Variants in KCNH1 observed in about 807,000 individuals in gnomAD.
KCNH1 encodes the protein voltage-gated delayed rectifier potassium channel KCNH1.
Under a neutral mutation model 69.2 loss-of-function variants are expected in KCNH1, and 27 were observed. That is an observed-to-expected ratio of 0.39 (90% CI 0.29 to 0.54). The LOEUF (loss-of-function observed/expected upper bound fraction) is 0.54, where lower values mean the gene tolerates loss of function less well. Ranked by LOEUF, KCNH1 falls within the 20% of genes least tolerant of loss-of-function variation. KCNH1 has a pLI of 0.68. For synonymous variants in KCNH1, 456 were observed against 487.7 expected, an observed-to-expected ratio of 0.93 and a Z score of 0.86; for missense variants, 798 against 1,261.6, an observed-to-expected ratio of 0.63 and a Z score of 5.57.
At chr1:210,856,367 G>A (rs1685837840) in intron 7 of KCNH1, among the ~76,000 whole-genome samples, 1 of 152,132 alleles carries the variant, frequency 6.6e-6, no homozygotes, top group South Asian at 2.1e-4. Flanking sequence ...CTTCAAATGA[G>A]CATTAAGTGT....
intron 6 of KCNH1, among the ~76,000 whole-genome samples, chr1:210,985,231 C>A (rs1688806310): frequency 6.6e-6 from 1 of 152,060 alleles, no homozygotes; most frequent in South Asian, 2.1e-4. Context: ...TTCAAAAAAC[C>A]AGCCCCTGGA....
chr1:210,735,010 T>G (rs1205831653), intron 10 of KCNH1, among the ~76,000 whole-genome samples: 1 of 152,170 alleles, frequency 6.6e-6, no homozygotes, highest in Non-Finnish European at 1.5e-5. Flanking sequence ...CTCATTCTCT[T>G]CTTCTCCCTG....
chr1:210,783,726 G>A (rs1292521086), intron 9 of KCNH1, among the ~76,000 whole-genome samples: 1 of 152,276 alleles, frequency 6.6e-6, no homozygotes, highest in African/African-American at 2.4e-5. Context: ...AAGACCACAA[G>A]GTTGCCACAC....
chr1:210,770,450 G>T (rs1683732701), intron 10 of KCNH1, among the ~76,000 whole-genome samples: 1 of 152,252 alleles, frequency 6.6e-6, no homozygotes, highest in African/African-American at 2.4e-5. Flanking sequence ...GGCTCTGAAT[G>T]GTTAAGTAAT....
At chr1:211,121,434 A>T (rs1691681664) in intron 1 of KCNH1, among the ~76,000 whole-genome samples, 1 of 152,216 alleles carries the variant, frequency 6.6e-6, no homozygotes, top group African/African-American at 2.4e-5. Context: ...TGAGGAAAGG[A>T]TCTCCTATTC....
chr1:210,979,771 A>T (rs2102376089), intron 6 of KCNH1, among the ~76,000 whole-genome samples: 1 of 152,298 alleles, frequency 6.6e-6, no homozygotes, highest in East Asian at 1.9e-4. Context: ...TCAATTCCCC[A>T]GTTTCTCATC....
chr1:210,751,619 T>C (rs998698806), intron 10 of KCNH1, among the ~76,000 whole-genome samples: 2 of 152,044 alleles, frequency 1.3e-5, no homozygotes, highest in Non-Finnish European at 2.9e-5. Flanking sequence ...GCGGCCTGGC[T>C]GGACCTGAGG....
At chr1:211,026,288 G>T (rs1689681930) in intron 5 of KCNH1, among the ~76,000 whole-genome samples, 3 of 151,018 alleles carry the variant, frequency 2.0e-5, no homozygotes. Flanking sequence ...TGACACAGTG[G>T]TGAGCTCTCT....
intron 6 of KCNH1, among the ~76,000 whole-genome samples, chr1:210,924,125 G>A (rs749150279): frequency 6.6e-6 from 1 of 152,206 alleles, no homozygotes; most frequent in Non-Finnish European, 1.5e-5. Flanking sequence ...TAGAGGCTAA[G>A]AGAAAGGCAT....
intron 10 of KCNH1, among the ~76,000 whole-genome samples, chr1:210,705,845 C>T (rs1381313186): frequency 6.6e-6 from 1 of 152,126 alleles, no homozygotes; most frequent in Non-Finnish European, 1.5e-5. Flanking sequence ...ATCTGGGCAC[C>T]TCGATCCTAA....
At chr1:211,042,411 G>A (rs1690011667) in intron 5 of KCNH1, among the ~76,000 whole-genome samples, 1 of 151,974 alleles carries the variant, frequency 6.6e-6, no homozygotes, top group Non-Finnish European at 1.5e-5. Flanking sequence ...CACAAGGCCT[G>A]GCATATAGTG....
intron 5 of KCNH1, among the ~76,000 whole-genome samples, chr1:211,020,516 A>C (rs1302989297): frequency 1.3e-5 from 2 of 152,012 alleles, no homozygotes; most frequent in African/African-American, 4.8e-5. Context: ...CCCAACAAAG[A>C]AAAGCCCAGG....
chr1:211,050,884 T>C (rs1199272307), intron 5 of KCNH1, among the ~76,000 whole-genome samples: 1 of 152,258 alleles, frequency 6.6e-6, no homozygotes, highest in Non-Finnish European at 1.5e-5. Flanking sequence ...TGCTTCCTTT[T>C]CTCATTCATT....
chr1:210,941,630 G>C (rs890209448), intron 6 of KCNH1, among the ~76,000 whole-genome samples: 19 of 152,126 alleles, frequency 1.2e-4, no homozygotes, highest in Admixed American at 3.9e-4. Context: ...AAAGAGCTTG[G>C]CAAGTCACTG....
intron 5 of KCNH1, chr1:211,063,719 T>TG (rs1690477157): frequency 6.7e-6 from 1 of 150,092 alleles, no homozygotes; most frequent in South Asian, 2.1e-4. Flanking sequence ...CCAGCCTGGG[T>TG]GACAGACCAA....
chr1:210,721,716 TG>T (rs1682464668), intron 10 of KCNH1, among the ~76,000 whole-genome samples: 1 of 152,118 alleles, frequency 6.6e-6, no homozygotes, highest in African/African-American at 2.4e-5. Context: ...GACGAGTTAA[TG>T]GGTGCAGCAC....
intron 10 of KCNH1, among the ~76,000 whole-genome samples, chr1:210,710,582 T>C (rs1682048692): frequency 6.6e-6 from 1 of 152,210 alleles, no homozygotes; most frequent in Non-Finnish European, 1.5e-5. Context: ...TATAATCTTA[T>C]GGAACCACTA....
intron 7 of KCNH1, among the ~76,000 whole-genome samples, chr1:210,832,062 C>T (rs1315068528): frequency 6.6e-6 from 1 of 152,026 alleles, no homozygotes; most frequent in African/African-American, 2.4e-5. Context: ...TTCTCATGAC[C>T]TGTTTGCCAA....
intron 7 of KCNH1, among the ~76,000 whole-genome samples, chr1:210,837,923 C>A (rs1685321746): frequency 6.6e-6 from 1 of 152,100 alleles, no homozygotes; most frequent in Non-Finnish European, 1.5e-5. Flanking sequence ...ATGCTTTGTA[C>A]AATTTATAGA....
Sources: allele counts gnomAD v4.1 joint callset (sites outside exome capture counted in the v4.1 genomes callset), GRCh38; gene constraint gnomAD v4.1.1; transcripts MANE v1.5; gene names NCBI Gene and HGNC (gene_info 2026-07-23, HGNC 2026-07-21).